Variants in DAB1 observed in about 807,000 individuals in gnomAD.
DAB1 encodes the protein DAB adaptor protein 1, also known as disabled homolog 1.
A neutral mutation model predicts 64.6 loss-of-function variants in DAB1; 15 were observed. That is an observed-to-expected ratio of 0.23 (90% CI 0.16 to 0.36). DAB1 has a LOEUF of 0.36. DAB1 is among the 10% of genes least tolerant of loss of function. The pLI, the probability that DAB1 is intolerant of heterozygous loss-of-function variation, is 1.00. For synonymous variants in DAB1, 235 were observed against 251.9 expected (o/e 0.93, Z 0.64); for missense variants, 596 against 706.7 (o/e 0.84, Z 1.78).
intron 5 of DAB1, among the ~76,000 whole-genome samples, chr1:57,913,752 AAAAC>A (rs143879829): frequency 0.11 from 16,357 of 152,118 alleles, 1,023 homozygotes; most frequent in East Asian, 0.32. Flanking sequence ...TTACAAGAAA[AAAAC>A]AAACAACCCC....
chr1:57,971,805 G>T (rs1297244214), intron 5 of DAB1, among the ~76,000 whole-genome samples: 2 of 152,234 alleles, frequency 1.3e-5, no homozygotes, highest in East Asian at 1.9e-4. Context: ...AAGAGGGCAG[G>T]TCCCACCAAT....
chr1:57,323,767 G>A (rs267645), intron 1 of DAB1, among the ~76,000 whole-genome samples: 12,820 of 151,938 alleles, frequency 0.084, 1,539 homozygotes, highest in African/African-American at 0.27. Context: ...CACAGACTCC[G>A]GTAAGGAGTT....
intron 2 of DAB1, among the ~76,000 whole-genome samples, chr1:57,187,041 G>A (rs3900913): frequency 6.6e-6 from 1 of 152,178 alleles, no homozygotes; most frequent in Non-Finnish European, 1.5e-5. Flanking sequence ...AAGATACCAG[G>A]AGGTAAAGTT....
At chr1:57,340,799 A>G (rs990636483) in intron 1 of DAB1, among the ~76,000 whole-genome samples, 6 of 152,178 alleles carry the variant, frequency 3.9e-5, no homozygotes, top group African/African-American at 1.4e-4. Flanking sequence ...AGAAGTTTTC[A>G]TTGCTGGTAA....
chr1:58,480,865 T>A (rs1428873520), intron 3 of DAB1: 1 of 673,432 alleles, frequency 1.5e-6, no homozygotes, highest in African/African-American at 1.9e-5. Flanking sequence ...ACCCTGAATA[T>A]CCTTTTTTTT....
rs183175179 is a variant in DAB1, at chr1:58,111,289, G to A, written n.387+39222C>T. On this transcript the variant is annotated intron_variant and non_coding_transcript_variant, in intron 5 of 20. Transcript: ENST00000485760. ...ATCTGGCCACAAATCAAATAAGAAT[G>A]TTGTTCTAGATCATTCTGTCCCATT... Among the ~76,000 whole-genome samples the A allele has an allele frequency of 7.2e-5, 11 of 152,302 alleles. No individual in the cohort carries two copies. The East Asian group carries it at 2.1e-3, about 29-fold the overall frequency.
chr1:57,488,672 A>C (rs1644124085), intron 7 of DAB1, among the ~76,000 whole-genome samples: 1 of 151,888 alleles, frequency 6.6e-6, no homozygotes. Context: ...GTGCAATTCT[A>C]TCTCAAAATA....
chr1:58,118,538 T>C (rs1159104360), intron 5 of DAB1, among the ~76,000 whole-genome samples: 3 of 100,160 alleles, frequency 3.0e-5, no homozygotes, highest in African/African-American at 1.3e-4. Flanking sequence ...ATATATAAAA[T>C]ACATATATAT....
chr1:58,522,371 C>T (rs1255346952), intron 2 of DAB1, among the ~76,000 whole-genome samples: 2 of 151,952 alleles, frequency 1.3e-5, no homozygotes, highest in East Asian at 1.9e-4. Context: ...AATATATATA[C>T]ATAATTTTTT....
intron 2 of DAB1, among the ~76,000 whole-genome samples, chr1:57,172,248 C>T (rs1235433413): frequency 1.3e-5 from 2 of 152,144 alleles, no homozygotes; most frequent in African/African-American, 4.8e-5. Flanking sequence ...CAAATAAGGT[C>T]ACATTCTGAG....
chr1:57,609,491 C>T (rs1260127620), intron 7 of DAB1, among the ~76,000 whole-genome samples: 2 of 152,112 alleles, frequency 1.3e-5, no homozygotes, highest in African/African-American at 2.4e-5. Flanking sequence ...ATCCTCGAGA[C>T]GAATTCCCCC....
At chr1:57,587,482 A>T (rs2185602) in intron 7 of DAB1, among the ~76,000 whole-genome samples, 110,096 of 152,038 alleles carry the variant, frequency 0.72, 39,867 homozygotes, top group South Asian at 0.78. Flanking sequence ...GTATAATGTT[A>T]TTTTCCAGGT....
intron 7 of DAB1, among the ~76,000 whole-genome samples, chr1:57,467,263 A>C (rs1324758706): frequency 6.6e-6 from 1 of 152,182 alleles, no homozygotes; most frequent in Admixed American, 6.5e-5. Flanking sequence ...CTATGAATCT[A>C]AGATGAAAAA....
intron 4 of DAB1, among the ~76,000 whole-genome samples, chr1:57,105,267 G>A (rs540781954): frequency 2.0e-5 from 3 of 152,058 alleles, no homozygotes; most frequent in East Asian, 3.9e-4. Context: ...GATTGGGGGT[G>A]GGGTGGTGTG....
At chr1:58,288,973 C>G (rs1203282724) in intron 4 of DAB1, among the ~76,000 whole-genome samples, 1 of 152,198 alleles carries the variant, frequency 6.6e-6, no homozygotes, top group Admixed American at 6.5e-5. Context: ...CTGTCAGTCC[C>G]AGTCTGACAC....
At chr1:57,734,273 C>T (rs1019086101) in intron 6 of DAB1, among the ~76,000 whole-genome samples, 2 of 152,164 alleles carry the variant, frequency 1.3e-5, no homozygotes, top group Non-Finnish European at 1.5e-5. Flanking sequence ...AGAAGTCACT[C>T]AACTCAGAAT....
At chr1:58,505,394 T>C (rs1257666669) in intron 3 of DAB1, among the ~76,000 whole-genome samples, 1 of 152,132 alleles carries the variant, frequency 6.6e-6, no homozygotes. Flanking sequence ...GGCTCAGAGA[T>C]GCCTAACATC....
At chr1:57,918,304 T>C (rs1644759528) in intron 5 of DAB1, among the ~76,000 whole-genome samples, 1 of 152,106 alleles carries the variant, frequency 6.6e-6, no homozygotes, top group South Asian at 2.1e-4. Flanking sequence ...GACTGGGTAT[T>C]TTGTAAAGAG....
intron 5 of DAB1, among the ~76,000 whole-genome samples, chr1:58,006,763 C>A (rs1045102614): frequency 5.5e-4 from 83 of 152,146 alleles, no homozygotes; most frequent in African/African-American, 1.9e-3. Flanking sequence ...CCCTCTCTCG[C>A]AAGCACCTCC....
Sources: allele counts gnomAD v4.1 joint callset (sites outside exome capture counted in the v4.1 genomes callset), GRCh38; gene constraint gnomAD v4.1.1; transcripts MANE v1.5; gene names NCBI Gene and HGNC (gene_info 2026-07-23, HGNC 2026-07-21).